Variants in TMLHE observed in about 807,000 individuals in gnomAD.
The protein encoded by TMLHE is trimethyllysine hydroxylase, epsilon, also known as trimethyllysine dioxygenase, mitochondrial.
TMLHE carries 18 observed loss-of-function variants against 25.7 expected under a neutral mutation model. The observed-to-expected ratio is 0.70, with a 90% CI of 0.48 to 1.04. TMLHE has a LOEUF of 1.04. Ranked by LOEUF, TMLHE falls within the 50% of genes least tolerant of loss-of-function variation. The pLI, the probability that TMLHE is intolerant of heterozygous loss-of-function variation, is 0.00. For missense variants in TMLHE, 236 were observed against 259.0 expected, an observed-to-expected ratio of 0.91 and a Z score of 0.61; for synonymous variants, 105 against 97.0, an observed-to-expected ratio of 1.08 and a Z score of -0.49.
intron 1 of TMLHE, among the ~76,000 whole-genome samples, chrX:155,560,105 G>A (rs1314761008): frequency 1.8e-5 from 2 of 111,875 alleles, no homozygotes; most frequent in African/African-American, 6.5e-5. Context: ...GAGAGGCAAA[G>A]GTTTGAGCCA....
chrX:155,524,538 C>G lies in TMLHE; in HGVS notation c.276G>C (p.Gln92His), dbSNP rs1240574408. 8.3e-7 allele frequency: 1 copy of G among 1,208,161 alleles called. No homozygotes were observed. The highest frequency in any genetic ancestry group is 1.7e-5 in the African/African-American group (1 of 57,189). ...CCACACTGGCAGTATCCAGGCTGCGCTGGTGAGTCTTAGAGTTGTAGCACG... is the reference window on the plus strand; with the variant it reads ...CCACACTGGCAGTATCCAGGCTGCGGTGGTGAGTCTTAGAGTTGTAGCACG... ...SASCYNSKTH[Q>H]RSLDTASVDL... The change falls in exon 3 of 8, where the codon CAG becomes CAC. Residue 92 changes from glutamine to histidine, a missense_variant. Transcript: ENST00000334398.
intron 2 of TMLHE, among the ~76,000 whole-genome samples, chrX:155,529,149 T>C (rs2067235730): frequency 9.0e-6 from 1 of 111,584 alleles, no homozygotes; most frequent in Non-Finnish European, 1.9e-5. Context: ...TGTAAGAATA[T>C]AATCATTAGG....
intron 2 of TMLHE, among the ~76,000 whole-genome samples, chrX:155,542,587 G>C (rs1557338333): frequency 1.8e-5 from 2 of 111,752 alleles, no homozygotes; most frequent in African/African-American, 6.5e-5. Flanking sequence ...CAAAATTGGA[G>C]GCCTCGCACT....
intron 2 of TMLHE, among the ~76,000 whole-genome samples, chrX:155,525,776 C>T (rs1193046487): frequency 8.9e-6 from 1 of 112,122 alleles, no homozygotes; most frequent in African/African-American, 3.2e-5. Context: ...TATGCTTTAT[C>T]AGAGACTGGC....
At chrX:155,510,559 T>C (rs2067102650) in intron 5 of TMLHE, among the ~76,000 whole-genome samples, 1 of 109,127 alleles carries the variant, frequency 9.2e-6, no homozygotes, top group Admixed American at 9.9e-5. Flanking sequence ...TCCATCCATG[T>C]CCCTACAAAG....
Position 155,548,983 on chromosome X carries a change from T to C in TMLHE, c.-1-3706A>G, listed in dbSNP as rs782783244. ...GTATAGAGGTCTTGCACATCTTTCATTGAATTCATTCCTAAGTGATTTCTT... is the reference window on the plus strand; with the variant it reads ...GTATAGAGGTCTTGCACATCTTTCACTGAATTCATTCCTAAGTGATTTCTT... On this transcript the variant is annotated intron_variant, in intron 1 of 7. Transcript: ENST00000334398. Among the ~76,000 whole-genome samples the C allele has an allele frequency of 7.2e-5, 8 of 110,987 alleles. 1 individual carries two copies. The highest frequency in any genetic ancestry group is 2.0e-4 in the African/African-American group (6 of 30,084).
At chrX:155,579,874 C>G (rs1477879039) in intron 1 of TMLHE, among the ~76,000 whole-genome samples, 4 of 110,432 alleles carry the variant, frequency 3.6e-5, no homozygotes, top group African/African-American at 1.3e-4. Flanking sequence ...TATACAAATA[C>G]TGGCAGAAAA....
intron 3 of TMLHE, among the ~76,000 whole-genome samples, chrX:155,515,352 C>T (rs1454060948): frequency 1.8e-5 from 2 of 110,503 alleles, no homozygotes; most frequent in Non-Finnish European, 3.8e-5. Flanking sequence ...ACAAAATATA[C>T]ATTACCAAGA....
At chrX:155,610,668 A>C (rs1202025796) in intron 1 of TMLHE, among the ~76,000 whole-genome samples, 7 of 111,157 alleles carry the variant, frequency 6.3e-5, no homozygotes, top group Middle Eastern at 4.6e-3. Flanking sequence ...TTTTAAAATA[A>C]AAATTTTTAA....
chrX:155,548,324 GAAAATA>G, intron 1 of TMLHE, among the ~76,000 whole-genome samples: 2 of 112,130 alleles, frequency 1.8e-5, no homozygotes, highest in African/African-American at 6.5e-5. Flanking sequence ...GAGAATGGGA[GAAAATA>G]ATTTGCCAAC....
intron 1 of TMLHE, among the ~76,000 whole-genome samples, chrX:155,561,346 A>C (rs1476333948): frequency 3.3e-5 from 2 of 60,557 alleles, no homozygotes; most frequent in African/African-American, 7.3e-5. Context: ...ATCTCATGAG[A>C]ACTCACTCAC....
chrX:155,507,459 T>C (rs1333123317), intron 5 of TMLHE, among the ~76,000 whole-genome samples: 2 of 108,857 alleles, frequency 1.8e-5, no homozygotes, highest in African/African-American at 6.7e-5. Flanking sequence ...CTAAAGCAAA[T>C]AAATACCAAA....
At chrX:155,604,273 T>C (rs903644381) in intron 1 of TMLHE, among the ~76,000 whole-genome samples, 1 of 110,428 alleles carries the variant, frequency 9.1e-6, no homozygotes, top group African/African-American at 3.3e-5. Context: ...TGCCCTTGGA[T>C]TGGGGAAGGA....
chrX:155,506,676 A>G (rs1557332709), intron 6 of TMLHE, among the ~76,000 whole-genome samples: 1 of 111,100 alleles, frequency 9.0e-6, no homozygotes. Context: ...ACTACCTCTA[A>G]TATTTGACCC....
At chrX:155,547,311 A>AT (rs1479485138) in intron 1 of TMLHE, among the ~76,000 whole-genome samples, 3 of 100,864 alleles carry the variant, frequency 3.0e-5, no homozygotes, top group Admixed American at 1.1e-4. Context: ...CGCCCGGCTA[A>AT]TTTTTTGTAT....
At chrX:155,539,025 G>T (rs898888893) in intron 2 of TMLHE, among the ~76,000 whole-genome samples, 23 of 111,433 alleles carry the variant, frequency 2.1e-4, no homozygotes, top group Admixed American at 1.9e-4. Context: ...TTAAAAGGTT[G>T]CTGCACCCCA....
chrX:155,547,801 C>G (rs987623393), intron 1 of TMLHE, among the ~76,000 whole-genome samples: 1 of 110,809 alleles, frequency 9.0e-6, no homozygotes, highest in Non-Finnish European at 1.9e-5. Context: ...GTAAAAGCCT[C>G]TTTCTTTCAT....
chrX:155,532,397 T>C (rs1032597673), intron 2 of TMLHE, among the ~76,000 whole-genome samples: 4 of 112,031 alleles, frequency 3.6e-5, no homozygotes, highest in East Asian at 2.8e-4. Flanking sequence ...GAATGGACTA[T>C]TGGGGCATCA....
At chrX:155,541,120 ATG>A (rs1399416375) in intron 2 of TMLHE, among the ~76,000 whole-genome samples, 1 of 110,605 alleles carries the variant, frequency 9.0e-6, no homozygotes, top group Non-Finnish European at 1.9e-5. Flanking sequence ...ATAAGTATAC[ATG>A]AGCCATGGTG....
Sources: gnomAD v4.1 joint callset for allele counts (sites outside exome capture counted in the v4.1 genomes callset) on GRCh38, gnomAD v4.1.1 for gene constraint, MANE v1.5 for transcripts, NCBI Gene and HGNC (gene_info 2026-07-23, HGNC 2026-07-21) for gene names.